The following PHF21B variants were observed in gnomAD, a reference collection of about 807,000 sequenced individuals.
PHF21B encodes PHD finger protein 4.
PHF21B carries 22 observed loss-of-function variants against 62.2 expected under a neutral mutation model. That is an observed-to-expected ratio of 0.35 (90% CI 0.25 to 0.51). The LOEUF (loss-of-function observed/expected upper bound fraction) is 0.51, where lower values mean the gene tolerates loss of function less well. Ranked by LOEUF, PHF21B falls within the 20% of genes least tolerant of loss-of-function variation. PHF21B has a pLI of 0.97. For missense variants in PHF21B, 701 were observed against 707.9 expected, an observed-to-expected ratio of 0.99 and a Z score of 0.11; for synonymous variants, 341 against 314.7, an observed-to-expected ratio of 1.08 and a Z score of -0.88.
chr22:44,936,181 C>G (rs2071842916), intron 2 of PHF21B, among the ~76,000 whole-genome samples: 1 of 152,224 alleles, frequency 6.6e-6, no homozygotes, highest in Non-Finnish European at 1.5e-5. Flanking sequence ...TGGGCCAAGC[C>G]CCCTCCCGGG....
At chr22:44,960,095 C>T (rs924440611) in intron 2 of PHF21B, among the ~76,000 whole-genome samples, 1 of 152,184 alleles carries the variant, frequency 6.6e-6, no homozygotes, top group Non-Finnish European at 1.5e-5. Flanking sequence ...ACACGAAATG[C>T]TTCACACAAG....
At chr22:44,936,137 A>G (rs2071842059) in intron 2 of PHF21B, among the ~76,000 whole-genome samples, 1 of 152,236 alleles carries the variant, frequency 6.6e-6, no homozygotes, top group Non-Finnish European at 1.5e-5. Flanking sequence ...AGGGTCCTGA[A>G]GAACCCGGCT....
intron 2 of PHF21B, among the ~76,000 whole-genome samples, chr22:44,988,702 A>G (rs2072994346): frequency 6.6e-6 from 1 of 152,192 alleles, no homozygotes; most frequent in African/African-American, 2.4e-5. Context: ...AGGTCTGCAG[A>G]TTGTGTCTTT....
At chr22:44,892,299 G>A (rs891339179) in intron 7 of PHF21B, among the ~76,000 whole-genome samples, 1 of 152,226 alleles carries the variant, frequency 6.6e-6, no homozygotes, top group Non-Finnish European at 1.5e-5. Flanking sequence ...CCCACGTGGA[G>A]CACGTTCTCA....
chr22:44,973,521 C>T (rs1048185614), intron 2 of PHF21B, among the ~76,000 whole-genome samples: 16 of 152,246 alleles, frequency 1.1e-4, no homozygotes, highest in Admixed American at 4.6e-4. Context: ...GCAACTTCAG[C>T]GAACTGCTCA....
chr22:44,980,604 A>T (rs950165184), intron 2 of PHF21B, among the ~76,000 whole-genome samples: 1 of 152,224 alleles, frequency 6.6e-6, no homozygotes. Flanking sequence ...AGCCACTGCC[A>T]TCAGAGGCAA....
intron 2 of PHF21B, among the ~76,000 whole-genome samples, chr22:44,939,663 G>A (rs923542266): frequency 1.3e-5 from 2 of 152,178 alleles, no homozygotes; most frequent in African/African-American, 4.8e-5. Flanking sequence ...TCAACGAGGA[G>A]ACCAGGAGAA....
rs966673703 is a variant in PHF21B at position 44,888,059 on chromosome 22, G to A, written c.1101C>T (p.Cys367=). 3.7e-5 allele frequency: 57 copies of A among 1,549,800 alleles called. No homozygotes were observed. The highest frequency in any genetic ancestry group is 9.8e-5 in the Admixed American group (5 of 50,938). The change falls in exon 10 of 13, where the codon TGC becomes TGT. Residue 367 remains cysteine, a synonymous_variant. Transcript: ENST00000313237. ...GGTGGTAGGCCCCCGGGCAGGTGCC[G>A]CAGGGCTGCAGGTTGGCCCCTCGCT... ...ACKRGANLQP[C]GTCPGAYHLS... is the part of the protein sequence containing the mutation.
At chr22:44,935,537 C>A (rs1371432961) in intron 2 of PHF21B, among the ~76,000 whole-genome samples, 1 of 152,086 alleles carries the variant, frequency 6.6e-6, no homozygotes, top group African/African-American at 2.4e-5. Flanking sequence ...TGGCGTGAAC[C>A]CGGGAGGTGG....
chr22:45,002,802 C>T (rs2073243613), intron 2 of PHF21B: 2 of 152,450 alleles, frequency 1.3e-5, no homozygotes, highest in African/African-American at 4.8e-5. Context: ...AGCTGGCCTT[C>T]TCTGCCCTCT....
chr22:44,975,716 G>A (rs762735226), intron 2 of PHF21B, among the ~76,000 whole-genome samples: 21 of 152,212 alleles, frequency 1.4e-4, no homozygotes, highest in Non-Finnish European at 2.2e-4. Context: ...CCAGTAAAGA[G>A]GCTGCCCTGA....
intron 2 of PHF21B, among the ~76,000 whole-genome samples, chr22:44,950,176 A>G (rs986791976): frequency 1.3e-5 from 2 of 152,270 alleles, no homozygotes; most frequent in African/African-American, 4.8e-5. Context: ...AGAAGCACAC[A>G]TAACACATCC....
intron 5 of PHF21B, among the ~76,000 whole-genome samples, chr22:44,905,595 C>T (rs62232242): frequency 0.015 from 2,226 of 152,204 alleles, 36 homozygotes; most frequent in Middle Eastern, 0.034. Context: ...AGAATTCTGT[C>T]GAGACTTACC....
At chr22:44,985,803 A>C (rs1443100832) in intron 2 of PHF21B, among the ~76,000 whole-genome samples, 1 of 152,108 alleles carries the variant, frequency 6.6e-6, no homozygotes, top group African/African-American at 2.4e-5. Flanking sequence ...CGTAGCTATC[A>C]ACACCATCAC....
chr22:44,967,703 A>G (rs2072556046), intron 2 of PHF21B, among the ~76,000 whole-genome samples: 1 of 152,134 alleles, frequency 6.6e-6, no homozygotes, highest in Non-Finnish European at 1.5e-5. Context: ...ACAGTTTGTT[A>G]ACTGAAGTCC....
At chr22:44,994,952 C>T (rs532744014) in intron 2 of PHF21B, among the ~76,000 whole-genome samples, 2 of 152,350 alleles carry the variant, frequency 1.3e-5, no homozygotes, top group African/African-American at 4.8e-5. Context: ...CTCACAGCAG[C>T]TCAGGCCGAG....
chr22:44,957,480 G>A (rs2072324807), intron 2 of PHF21B, among the ~76,000 whole-genome samples: 1 of 152,114 alleles, frequency 6.6e-6, no homozygotes, highest in African/African-American at 2.4e-5. Context: ...GCCTCCAGAG[G>A]GAGTTCTCAA....
At chr22:44,891,967 G>A (rs1389295317) in intron 7 of PHF21B, among the ~76,000 whole-genome samples, 7 of 152,218 alleles carry the variant, frequency 4.6e-5, no homozygotes, top group Admixed American at 4.6e-4. Context: ...TGGTCAGGCT[G>A]TGGACCTGGG....
At chr22:44,955,924 G>A (rs1331927556) in intron 2 of PHF21B, among the ~76,000 whole-genome samples, 1 of 152,210 alleles carries the variant, frequency 6.6e-6, no homozygotes, top group Non-Finnish European at 1.5e-5. Context: ...TATTACAGAT[G>A]AGGAGAGTGG....
Sources: allele counts gnomAD v4.1 joint callset (sites outside exome capture counted in the v4.1 genomes callset), GRCh38; gene constraint gnomAD v4.1.1; transcripts MANE v1.5; gene names NCBI Gene and HGNC (gene_info 2026-07-23, HGNC 2026-07-21).